The following AHCYL2 variants were observed in gnomAD, a reference collection of about 807,000 sequenced individuals.
AHCYL2 encodes S-adenosylhomocysteine hydrolase-like protein 2.
A neutral mutation model predicts 81.4 loss-of-function variants in AHCYL2; 28 were observed. That is an observed-to-expected ratio of 0.34 (90% CI 0.25 to 0.47). The LOEUF (loss-of-function observed/expected upper bound fraction) is 0.47, where lower values mean the gene tolerates loss of function less well. Among genes scored for constraint, AHCYL2 ranks in the 20% least tolerant of loss-of-function variants. The pLI is 1.00. For synonymous variants in AHCYL2, 272 were observed against 290.2 expected, an observed-to-expected ratio of 0.94 and a Z score of 0.64; for missense variants, 551 against 785.1, an observed-to-expected ratio of 0.70 and a Z score of 3.56.
intron 1 of AHCYL2, among the ~76,000 whole-genome samples, chr7:129,240,472 A>G (rs550455999): frequency 2.6e-5 from 4 of 152,274 alleles, no homozygotes; most frequent in East Asian, 3.9e-4. Context: ...TCTCAAAGGT[A>G]CTTTTAACTG....
At chr7:129,302,771 T>A (rs774535084) in intron 1 of AHCYL2, among the ~76,000 whole-genome samples, 3 of 152,206 alleles carry the variant, frequency 2.0e-5, no homozygotes, top group Non-Finnish European at 4.4e-5. Context: ...TTAGTATTTG[T>A]TGAGGATTTT....
chr7:129,304,204 C>A (rs748311556), intron 1 of AHCYL2, among the ~76,000 whole-genome samples: 1 of 152,008 alleles, frequency 6.6e-6, no homozygotes, highest in Non-Finnish European at 1.5e-5. Context: ...TTCCAAAATT[C>A]TTGTTATTGA....
At chr7:129,412,617 T>C (rs561334293) in intron 11 of AHCYL2, among the ~76,000 whole-genome samples, 12 of 152,092 alleles carry the variant, frequency 7.9e-5, no homozygotes, top group Non-Finnish European at 1.6e-4. Flanking sequence ...CTGCACCATT[T>C]TACAATCCAT....
chr7:129,341,721 A>C (rs1793191933), intron 1 of AHCYL2, among the ~76,000 whole-genome samples: 1 of 152,144 alleles, frequency 6.6e-6, no homozygotes, highest in Non-Finnish European at 1.5e-5. Context: ...AGTAAAAGTG[A>C]CTATTGTCCC....
chr7:129,357,882 T>C (rs930755808), intron 1 of AHCYL2, among the ~76,000 whole-genome samples: 6 of 146,222 alleles, frequency 4.1e-5, no homozygotes, highest in Non-Finnish European at 9.0e-5. Flanking sequence ...TGCAGTGAGC[T>C]GAGATCAGGC....
At chr7:129,285,762 C>T (rs754534007) in intron 1 of AHCYL2, among the ~76,000 whole-genome samples, 2 of 145,122 alleles carry the variant, frequency 1.4e-5, no homozygotes, top group Admixed American at 7.1e-5. Flanking sequence ...TGCAGTGGCA[C>T]GATCTCAACC....
intron 1 of AHCYL2, among the ~76,000 whole-genome samples, chr7:129,235,027 C>G (rs1199647790): frequency 6.6e-6 from 1 of 152,210 alleles, no homozygotes; most frequent in Non-Finnish European, 1.5e-5. Context: ...CCTTAACTCA[C>G]TCCTGCTATA....
At chr7:129,345,821 G>C (rs533352587) in intron 1 of AHCYL2, among the ~76,000 whole-genome samples, 2 of 152,250 alleles carry the variant, frequency 1.3e-5, no homozygotes, top group Admixed American at 6.5e-5. Flanking sequence ...GTGACTTCCA[G>C]GTTTCCGAAA....
At chr7:129,386,516 C>G (rs896353173) in intron 2 of AHCYL2, among the ~76,000 whole-genome samples, 1 of 150,500 alleles carries the variant, frequency 6.6e-6, no homozygotes. Context: ...CAAAGAAAAA[C>G]ATTGGTTGAA....
rs1481262694 is a variant in AHCYL2 at position 129,421,049 on chromosome 7, G to A, written c.1462-1791G>A. On this transcript the variant is annotated intron_variant, in intron 12 of 16. Coordinates refer to ENST00000325006, the MANE Select transcript of AHCYL2 (RefSeq NM_015328.4). ...GCAGATCACCTGAAGTCAGGGGTTCGAGACCAGCCTGGTCAACATGGTGAA... is the reference window on the plus strand; with the variant it reads ...GCAGATCACCTGAAGTCAGGGGTTCAAGACCAGCCTGGTCAACATGGTGAA... Among the ~76,000 whole-genome samples the A allele has an allele frequency of 3.3e-5, 5 of 152,164 alleles. No individual in the cohort carries two copies. In the East Asian group the frequency reaches 9.7e-4, roughly 29 times the overall value.
intron 1 of AHCYL2, among the ~76,000 whole-genome samples, chr7:129,329,067 A>G (rs781144213): frequency 6.6e-6 from 1 of 152,216 alleles, no homozygotes; most frequent in Non-Finnish European, 1.5e-5. Context: ...GTGATTACCA[A>G]AGGCTTATGG....
At chr7:129,415,596 G>A (rs1309410558) in intron 12 of AHCYL2, among the ~76,000 whole-genome samples, 1 of 151,308 alleles carries the variant, frequency 6.6e-6, no homozygotes, top group East Asian at 1.9e-4. Flanking sequence ...GCTGAGGCAG[G>A]TGGATCACCT....
intron 1 of AHCYL2, among the ~76,000 whole-genome samples, chr7:129,269,854 T>C (rs1405389293): frequency 6.6e-6 from 1 of 152,242 alleles, no homozygotes; most frequent in African/African-American, 2.4e-5. Flanking sequence ...ATATGTCAAA[T>C]AAATTATTTG....
At position 129,417,809 on chromosome 7, in the gene AHCYL2, A is replaced by G. The variant is rs535759293; in HGVS notation, c.1461+4121A>G. ...GAATACCTGCTCTGTGCCAGATACC[A>G]ATTTACTAAACAAATGACAGTGAAC... On this transcript the variant is annotated intron_variant, in intron 12 of 16. Transcript: ENST00000325006. Among the ~76,000 whole-genome samples the G allele has an allele frequency of 1.6e-3, 248 of 152,352 alleles. 1 individual carries two copies. The highest frequency in any genetic ancestry group is 5.3e-3 in the Admixed American group (81 of 15,300).
chr7:129,304,840 A>G (rs1797373326), intron 1 of AHCYL2, among the ~76,000 whole-genome samples: 1 of 150,722 alleles, frequency 6.6e-6, no homozygotes, highest in Admixed American at 6.6e-5. Context: ...CCATTCAGCC[A>G]CTCTATGTCT....
intron 2 of AHCYL2, among the ~76,000 whole-genome samples, chr7:129,382,613 A>T (rs1056562521): frequency 5.3e-5 from 8 of 150,604 alleles, no homozygotes; most frequent in Admixed American, 1.3e-4. Context: ...TAATAAAAAA[A>T]AATAATTTTA....
rs766068473 is a variant in AHCYL2, at chr7:129,225,269, C to G, written c.193C>G (p.Pro65Ala). The G allele has an allele frequency of 1.0e-5, 15 of 1,453,108 alleles. No individual in the cohort carries two copies. In the South Asian group the frequency reaches 1.9e-4, roughly 18 times the overall value. The allele number at this position is 1,453,108 out of a possible 1,614,324, so 90.0% of individuals were successfully genotyped here. Residue 65 changes from proline (P) to alanine (A), a missense_variant, in exon 1 of 17, where the codon CCG (proline) becomes GCG (alanine). Pro to Ala is a conservative substitution (Grantham distance 27). Around this residue, in one of 2 missense-constraint regions of AHCYL2, gnomAD observed 235 missense variants for 242.1 expected, o/e 0.97. Coordinates refer to ENST00000325006, the MANE Select transcript of AHCYL2 (RefSeq NM_015328.4). ...PAAERPPVPG[P>A]GSGPAAALSP... is the part of the protein sequence containing the mutation. The stretch of plus-strand genomic sequence containing the variant: ...CGCGGAGCGGCCCCCGGTCCCCGGC[C>G]CGGGCTCGGGGCCCGCCGCCGCTCT...
At chr7:129,242,432 T>C (rs1179460908) in intron 1 of AHCYL2, among the ~76,000 whole-genome samples, 1 of 151,980 alleles carries the variant, frequency 6.6e-6, no homozygotes, top group Non-Finnish European at 1.5e-5. Context: ...AAATTGCTTA[T>C]GGTGGCCGGG....
intron 1 of AHCYL2, among the ~76,000 whole-genome samples, chr7:129,358,212 T>G (rs550123279): frequency 6.6e-6 from 1 of 151,774 alleles, no homozygotes; most frequent in African/African-American, 2.4e-5. Flanking sequence ...GCTAACACGA[T>G]GAAACCCCGT....
Sources: gnomAD v4.1 joint callset for allele counts (sites outside exome capture counted in the v4.1 genomes callset) on GRCh38, gnomAD v4.1.1 for gene constraint, gnomAD v4.1.1 regional missense constraint, MANE v1.5 for transcripts, NCBI Gene and HGNC (gene_info 2026-07-23, HGNC 2026-07-21) for gene names.